Variants in SEC24B observed in about 807,000 individuals in gnomAD.
SEC24B encodes protein transport protein Sec24B.
Under a neutral mutation model 142.8 loss-of-function variants are expected in SEC24B, and 45 were observed. The ratio of observed to expected loss-of-function variants is 0.32; its 90% CI spans 0.25 to 0.40. The LOEUF (loss-of-function observed/expected upper bound fraction) is 0.40, where lower values mean the gene tolerates loss of function less well. Among genes scored for constraint, SEC24B ranks in the 10% least tolerant of loss-of-function variants. The probability of loss-of-function intolerance (pLI) is 1.00; values close to 1 mark genes in which losing one functional copy is unlikely to be tolerated. For synonymous variants in SEC24B, 574 were observed against 568.2 expected (o/e 1.01, Z -0.15); for missense variants, 1,409 against 1,526.8 (o/e 0.92, Z 1.29).
rs748636730 is a variant in SEC24B, at chr4:109,463,135, C to T, written c.368C>T (p.Ala123Val). 1.2e-5 allele frequency: 19 copies of T among 1,613,954 alleles called. No homozygotes were observed. In the Admixed American group the frequency reaches 3.2e-4, roughly 27 times the overall value. The change falls in exon 2 of 24, where the codon GCC (alanine) becomes GTC (valine). Residue 123 changes from alanine (A) to valine (V), a missense_variant. By Grantham distance (64) the Ala-to-Val change is moderately conservative (BLOSUM62 0). This residue lies in a region of SEC24B where 709 missense variants were observed against 673.5 expected (regional missense o/e 1.05). Coordinates refer to ENST00000265175, the MANE Select transcript of SEC24B (RefSeq NM_006323.5). ...CAGTTGTACAGCAGGGGTCCTCCTGCCCCTCATATTGTGGGATCCACTCTA... is the reference window on the plus strand; with the variant it reads ...CAGTTGTACAGCAGGGGTCCTCCTGTCCCTCATATTGTGGGATCCACTCTA... Reference protein sequence around the residue: ...AQQLYSRGPPAPHIVGSTLGS... With the variant: ...AQQLYSRGPPVPHIVGSTLGS...
chr4:109,534,050 T>C (rs1341484255), intron 22 of SEC24B, among the ~76,000 whole-genome samples: 1 of 151,308 alleles, frequency 6.6e-6, no homozygotes, highest in African/African-American at 2.4e-5. Flanking sequence ...AGTAGTTCTT[T>C]TTTTTTTTTT....
At chr4:109,505,950 G>A (rs1221044971) in intron 6 of SEC24B, among the ~76,000 whole-genome samples, 5 of 152,128 alleles carry the variant, frequency 3.3e-5, no homozygotes, top group Admixed American at 2.0e-4. Flanking sequence ...AAAACCTATT[G>A]AACACGATTG....
intron 2 of SEC24B, among the ~76,000 whole-genome samples, chr4:109,471,828 G>A (rs568043222): frequency 6.6e-6 from 1 of 152,218 alleles, no homozygotes; most frequent in East Asian, 1.9e-4. Context: ...AGTGTCCCTC[G>A]AGACTTGAGG....
chr4:109,448,138 T>G (rs1358174950), intron 1 of SEC24B, among the ~76,000 whole-genome samples: 1 of 152,256 alleles, frequency 6.6e-6, no homozygotes, highest in Admixed American at 6.5e-5. Flanking sequence ...ATTAACATTC[T>G]TAATACCATG....
rs118153610 is a variant in SEC24B, at chr4:109,453,879, C to T, written c.134-9022C>T. Among the ~76,000 whole-genome samples the T allele has an allele frequency of 1.1e-3, 166 of 152,262 alleles. 1 individual carries two copies. In the East Asian group the frequency reaches 0.029, roughly 27 times the overall value. ...GGTATCCCTGACTTCCCGCAACAGACGGAGTTTCGCTCTTGTCCCCCAGGC... is the reference window on the plus strand; with the variant it reads ...GGTATCCCTGACTTCCCGCAACAGATGGAGTTTCGCTCTTGTCCCCCAGGC... On this transcript the variant is annotated intron_variant, in intron 1 of 23. Transcript: ENST00000265175.
In SEC24B at chr4:109,505,929, CAAAAT is replaced by C. The variant is rs367907709; in HGVS notation, c.1489-396_1489-392del. 1.1e-3 allele frequency among the ~76,000 whole-genome samples: 174 copies of C among 152,152 alleles called. 5 individuals are homozygous for C. In the South Asian group the frequency reaches 0.036, roughly 31 times the overall value. Reference sequence around the variant, plus strand: ...ATGATAATATTAAAAACATAGGAAACAAAATAAGGCAAAACCTATTGAACACGATT... The same window carrying C: ...ATGATAATATTAAAAACATAGGAAACAAGGCAAAACCTATTGAACACGATT... On this transcript the variant is annotated intron_variant, in intron 6 of 23. Coordinates refer to ENST00000265175, the MANE Select transcript of SEC24B (RefSeq NM_006323.5).
At chr4:109,434,561 A>C (rs1254710257) in intron 1 of SEC24B, among the ~76,000 whole-genome samples, 2 of 152,214 alleles carry the variant, frequency 1.3e-5, no homozygotes, top group African/African-American at 4.8e-5. Context: ...GTTTGCACTC[A>C]AGTTTGTAGA....
rs569972446 is a variant in SEC24B, at chr4:109,460,128, T to C, written c.134-2773T>C. Among the ~76,000 whole-genome samples the C allele has an allele frequency of 2.0e-5, 3 of 152,308 alleles. No individual in the cohort carries two copies. In the South Asian group the frequency reaches 6.2e-4, roughly 32 times the overall value. On this transcript the variant is annotated intron_variant, in intron 1 of 23. Coordinates refer to ENST00000265175, the MANE Select transcript of SEC24B (RefSeq NM_006323.5). ...ACTTCTTGGAATTATAGGAGGAATG[T>C]AGATGATATTTTTCCCTTACAGCTT...
At position 109,463,115 on chromosome 4, in the gene SEC24B, G is replaced by A. The variant is rs1184038072; in HGVS notation, c.348G>A (p.Leu116=). ...TVNQQPGAQQ[L]YSRGPPAPHI... ...ACCAGCAACCAGGAGCACAGCAGTT[G>A]TACAGCAGGGGTCCTCCTGCCCCTC... The change falls in exon 2 of 24, where the codon TTG becomes TTA. Residue 116 remains leucine, a synonymous_variant. Coordinates refer to ENST00000265175, the MANE Select transcript of SEC24B (RefSeq NM_006323.5). 1.2e-6 allele frequency: 2 copies of A among 1,614,160 alleles called. No individual in the cohort carries two copies. Among genetic ancestry groups the A allele is most frequent in the Admixed American group, 3.3e-5 (2 of 60,020 alleles).
intron 3 of SEC24B, among the ~76,000 whole-genome samples, chr4:109,474,894 A>G (rs894312874): frequency 3.9e-5 from 6 of 152,252 alleles, no homozygotes; most frequent in African/African-American, 1.2e-4. Flanking sequence ...TTGAGCACAT[A>G]CAATATATCA....
chr4:109,453,201 A>C (rs1371675446), intron 1 of SEC24B, among the ~76,000 whole-genome samples: 4 of 152,212 alleles, frequency 2.6e-5, no homozygotes, highest in African/African-American at 4.8e-5. Context: ...GATCAGGGTG[A>C]GATCTCAAGG....
At chr4:109,441,662 C>G (rs1017884546) in intron 1 of SEC24B, among the ~76,000 whole-genome samples, 4 of 152,142 alleles carry the variant, frequency 2.6e-5, no homozygotes, top group Admixed American at 2.6e-4. Context: ...ATTCTCCTAC[C>G]TTGGCCTCCC....
chr4:109,462,574 T>C lies in SEC24B; in HGVS notation c.134-327T>C, dbSNP rs143966379. On this transcript the variant is annotated intron_variant, in intron 1 of 23. Transcript: ENST00000265175. Reference sequence around the variant, plus strand: ...CTTGGCAGGTTAGCTTCTTTCAGACTGGGGTATCTGAGAGAAAGAGAGCCA... The same window carrying C: ...CTTGGCAGGTTAGCTTCTTTCAGACCGGGGTATCTGAGAGAAAGAGAGCCA... 1.4e-4 allele frequency among the ~76,000 whole-genome samples: 22 copies of C among 152,214 alleles called. No homozygotes were observed. The South Asian group carries it at 4.4e-3, about 30-fold the overall frequency.
At chr4:109,442,213 G>A (rs1728996265) in intron 1 of SEC24B, among the ~76,000 whole-genome samples, 1 of 152,046 alleles carries the variant, frequency 6.6e-6, no homozygotes, top group Admixed American at 6.6e-5. Flanking sequence ...CCACTAAATG[G>A]ATACCATCCT....
At chr4:109,485,818 C>T (rs1476246408) in intron 4 of SEC24B, among the ~76,000 whole-genome samples, 1 of 152,126 alleles carries the variant, frequency 6.6e-6, no homozygotes, top group Non-Finnish European at 1.5e-5. Context: ...TTAAGCATTT[C>T]AGTGGCATTT....
intron 4 of SEC24B, among the ~76,000 whole-genome samples, chr4:109,482,188 T>C (rs1403922215): frequency 2.6e-5 from 4 of 152,350 alleles, no homozygotes; most frequent in Non-Finnish European, 5.9e-5. Flanking sequence ...ATGTGGATTT[T>C]ATAATAGGGA....
intron 1 of SEC24B, among the ~76,000 whole-genome samples, chr4:109,451,722 A>G (rs1730111285): frequency 6.6e-6 from 1 of 152,202 alleles, no homozygotes; most frequent in South Asian, 2.1e-4. Context: ...TATGCTTATT[A>G]CTACGGGTGT....
At chr4:109,481,864 A>G in intron 4 of SEC24B, 83 bp downstream of exon 4, 1 of 946,174 alleles carries the variant, frequency 1.1e-6, no homozygotes, top group Non-Finnish European at 1.6e-6. Context: ...TAGCCTTTTA[A>G]AAAAGAGTCT....
intron 10 of SEC24B, among the ~76,000 whole-genome samples, chr4:109,516,195 G>A (rs1722845859): frequency 6.6e-6 from 1 of 152,148 alleles, no homozygotes. Flanking sequence ...TAGGAAAGGG[G>A]AAGGGATGTA....
Sources: gnomAD v4.1 joint callset for allele counts (sites outside exome capture counted in the v4.1 genomes callset) on GRCh38, gnomAD v4.1.1 for gene constraint, gnomAD v4.1.1 regional missense constraint, MANE v1.5 for transcripts, NCBI Gene and HGNC (gene_info 2026-07-23, HGNC 2026-07-21) for gene names.